The following SPECC1 variants were observed in gnomAD, a reference collection of about 807,000 sequenced individuals.
SPECC1 encodes sperm antigen with calponin homology and coiled-coil domains 1.
SPECC1 carries 62 observed loss-of-function variants against 104.1 expected under a neutral mutation model. The observed-to-expected ratio is 0.60, with a 90% CI of 0.49 to 0.74. The LOEUF is 0.74. Among genes scored for constraint, SPECC1 ranks in the 30% least tolerant of loss-of-function variants. The probability of loss-of-function intolerance (pLI) is 0.00; values close to 1 mark genes in which losing one functional copy is unlikely to be tolerated. For synonymous variants in SPECC1, 513 were observed against 501.6 expected, an observed-to-expected ratio of 1.02 and a Z score of -0.30; for missense variants, 1,306 against 1,310.5, an observed-to-expected ratio of 1.00 and a Z score of 0.05.
At chr17:20,107,163 A>G (rs1453723550) in intron 2 of SPECC1, among the ~76,000 whole-genome samples, 16 of 136,380 alleles carry the variant, frequency 1.2e-4, no homozygotes, top group East Asian at 1.9e-4. Context: ...AAAAAAAAAA[A>G]AAAAAAGAAA....
In SPECC1 at chr17:20,318,790, T is replaced by C. The variant is rs1056327; in HGVS notation, c.*4725T>C. 10 of 214,858 alleles carry C rather than the reference T, an allele frequency of 4.7e-5. No individual in the cohort carries two copies. The highest frequency in any genetic ancestry group is 8.4e-5 in the Non-Finnish European group (9 of 106,574). 13.3% of individuals were successfully genotyped at this position (214,858 alleles called of 1,614,324 possible). On this transcript the variant is annotated 3_prime_UTR_variant, in exon 15 of 15. Transcript: ENST00000395527. ...CACTCCTCTGATCCAGGTTAGAATTTTGCTAAATCTGTAGCATCCTGAATA... is the reference window on the plus strand; with the variant it reads ...CACTCCTCTGATCCAGGTTAGAATTCTGCTAAATCTGTAGCATCCTGAATA...
chr17:20,298,839 A>G (rs567496158), intron 13 of SPECC1, among the ~76,000 whole-genome samples: 123 of 151,962 alleles, frequency 8.1e-4, no homozygotes, highest in African/African-American at 2.9e-3. Context: ...TAAAGTACAA[A>G]GAAGGATCAT....
chr17:20,233,399 C>T (rs972793648), intron 7 of SPECC1, among the ~76,000 whole-genome samples: 1 of 152,212 alleles, frequency 6.6e-6, no homozygotes, highest in Admixed American at 6.5e-5. Flanking sequence ...TGTGATTCTC[C>T]TGTCAATTCT....
At chr17:20,243,526 G>C (rs1368277290) in intron 7 of SPECC1, among the ~76,000 whole-genome samples, 2 of 151,990 alleles carry the variant, frequency 1.3e-5, no homozygotes, top group African/African-American at 4.8e-5. Flanking sequence ...ATTCAATTCA[G>C]GCTATGTTTT....
At chr17:20,059,566 C>G (rs950184655) in intron 1 of SPECC1, among the ~76,000 whole-genome samples, 1 of 48,154 alleles carries the variant, frequency 2.1e-5, no homozygotes, top group African/African-American at 6.3e-5. Flanking sequence ...AGTGCAACTT[C>G]TTCTACTCTA....
chr17:20,034,822 C>A (rs2044995490), intron 1 of SPECC1, among the ~76,000 whole-genome samples: 1 of 152,104 alleles, frequency 6.6e-6, no homozygotes, highest in South Asian at 2.1e-4. Flanking sequence ...TCCGGCTGGT[C>A]TCAAACTCCT....
chr17:20,097,079 G>A (rs887072440), intron 2 of SPECC1, among the ~76,000 whole-genome samples: 3 of 152,176 alleles, frequency 2.0e-5, no homozygotes, highest in African/African-American at 7.2e-5. Flanking sequence ...TTTGCCCCAA[G>A]CACGGCCCTG....
intron 1 of SPECC1, among the ~76,000 whole-genome samples, chr17:20,078,733 A>G (rs1025904614): frequency 1.3e-5 from 2 of 152,226 alleles, no homozygotes; most frequent in African/African-American, 4.8e-5. Context: ...TAAAAATTGT[A>G]TGTTAAAAAT....
rs150029457 is a variant in SPECC1 at position 20,068,732 on chromosome 17, T to C, written c.-21-27899T>C. Among the ~76,000 whole-genome samples, 104 of 152,340 alleles carry C rather than the reference T, an allele frequency of 6.8e-4. No individual in the cohort carries two copies. In the East Asian group the frequency reaches 0.019, roughly 28 times the overall value. On this transcript the variant is annotated intron_variant, in intron 1 of 14. Coordinates refer to ENST00000395527, the MANE Select transcript of SPECC1 (RefSeq NM_001243439.2). ...TGGCTTTGGTTTGCATAATGCCTAA[T>C]GATTGATTTTTCTAATGTGGAGCTT...
rs556560740 is a variant in SPECC1 at position 20,263,885 on chromosome 17, T to TTGTG, written c.2940+3610_2940+3613dup. ...GAACACTATTTCCTGCTGGAGTGAT[T>TTGTG]TGTGTGTGTGTGTGTGTGTGTGAAC... On this transcript the variant is annotated intron_variant, in intron 12 of 14. Transcript: ENST00000395527. Among the ~76,000 whole-genome samples, 285 of 150,360 alleles carry TTGTG rather than the reference T, an allele frequency of 1.9e-3. 1 individual carries two copies. The East Asian group carries it at 0.036, about 19-fold the overall frequency.
chr17:20,210,531 T>G (rs2037070803), intron 4 of SPECC1, among the ~76,000 whole-genome samples: 1 of 152,232 alleles, frequency 6.6e-6, no homozygotes, highest in Non-Finnish European at 1.5e-5. Flanking sequence ...TACCTTTACA[T>G]CTGATTGGTG....
intron 1 of SPECC1, among the ~76,000 whole-genome samples, chr17:20,015,436 T>C (rs1451916037): frequency 2.6e-5 from 4 of 151,948 alleles, no homozygotes; most frequent in African/African-American, 9.7e-5. Context: ...ATGCTCTCTT[T>C]ATCTTTATGG....
At chr17:20,236,168 C>T (rs1371964078) in intron 7 of SPECC1, among the ~76,000 whole-genome samples, 1 of 152,164 alleles carries the variant, frequency 6.6e-6, no homozygotes, top group Admixed American at 6.5e-5. Flanking sequence ...GGGCTGTTCT[C>T]CTGAGGATTC....
chr17:20,016,420 G>T (rs1462560736), intron 1 of SPECC1, among the ~76,000 whole-genome samples: 1 of 152,154 alleles, frequency 6.6e-6, no homozygotes, highest in African/African-American at 2.4e-5. Context: ...TTCTGGGCTG[G>T]CCAAGGCTGG....
intron 3 of SPECC1, among the ~76,000 whole-genome samples, chr17:20,133,039 G>A (rs563800960): frequency 7.2e-5 from 11 of 152,202 alleles, no homozygotes; most frequent in African/African-American, 2.4e-4. Flanking sequence ...GTGCCTAGCC[G>A]TGTGTATAGT....
At chr17:20,105,482 C>T (rs2048153036) in intron 2 of SPECC1, among the ~76,000 whole-genome samples, 1 of 152,140 alleles carries the variant, frequency 6.6e-6, no homozygotes, top group Admixed American at 6.5e-5. Context: ...TGCAGGGAAC[C>T]TCCTATATAG....
intron 3 of SPECC1, among the ~76,000 whole-genome samples, chr17:20,139,739 A>G (rs992104383): frequency 6.6e-6 from 1 of 152,134 alleles, no homozygotes; most frequent in African/African-American, 2.4e-5. Context: ...CAATTGCGCA[A>G]TCTCGGCTCA....
At chr17:20,275,241 A>G (rs1324170798) in intron 12 of SPECC1, among the ~76,000 whole-genome samples, 2 of 152,144 alleles carry the variant, frequency 1.3e-5, no homozygotes, top group African/African-American at 4.8e-5. Context: ...AGGAAACTCT[A>G]CTTGATTGTG....
In SPECC1 at chr17:20,317,260, T is replaced by TTTTTTTTTTTTTTTTTTTTTTTTTTTG. The variant is rs2042053501; in HGVS notation, c.*3215_*3216insTTTTTTGTTTTTTTTTTTTTTTTTTTT. 2.0e-5 allele frequency: 1 copy of TTTTTTTTTTTTTTTTTTTTTTTTTTTG among 50,318 alleles called. No individual in the cohort carries two copies. The highest frequency in any genetic ancestry group is 2.1e-4 in the African/African-American group (1 of 4,850). 3.1% of individuals were successfully genotyped at this position (50,318 alleles called of 1,614,324 possible). ...CAAGACCTCTGACTCTATAAAAAAA[T>TTTTTTTTTTTTTTTTTTTTTTTTTTTG]TTTTTTTTTTTTTTTTTTTTGAGAG... On this transcript the variant is annotated 3_prime_UTR_variant, in exon 15 of 15. Coordinates refer to ENST00000395527, the MANE Select transcript of SPECC1 (RefSeq NM_001243439.2).
Sources: allele counts gnomAD v4.1 joint callset (sites outside exome capture counted in the v4.1 genomes callset), GRCh38; gene constraint gnomAD v4.1.1; transcripts MANE v1.5; gene names NCBI Gene and HGNC (gene_info 2026-07-23, HGNC 2026-07-21).